DNAH7: variants seen among roughly 807,000 people sequenced by gnomAD.
DNAH7 encodes the protein dynein axonemal heavy chain 7.
DNAH7 carries 397 observed loss-of-function variants against 444.6 expected under a neutral mutation model. The observed-to-expected ratio is 0.89, with a 90% CI of 0.82 to 0.97. The LOEUF (loss-of-function observed/expected upper bound fraction) is 0.97, where lower values mean the gene tolerates loss of function less well. Among genes scored for constraint, DNAH7 ranks in the 50% least tolerant of loss-of-function variants. The pLI is 0.00. For synonymous variants in DNAH7, 1,636 were observed against 1,624.4 expected, an observed-to-expected ratio of 1.01 and a Z score of -0.17; for missense variants, 4,902 against 4,800.8, an observed-to-expected ratio of 1.02 and a Z score of -0.62.
chr2:195,765,403 C>T (rs751974408), intron 61 of DNAH7, among the ~76,000 whole-genome samples: 9 of 151,878 alleles, frequency 5.9e-5, no homozygotes, highest in African/African-American at 2.2e-4. Context: ...AAAAGCTTGT[C>T]CATAGCAAAA....
At position 196,047,343 on chromosome 2, in the gene DNAH7, A is replaced by G. The variant is rs4850381; in HGVS notation, c.398+9T>C. ...GGGTAACACGTAATGGTTAGCCTAT[A>G]CAACTTACATAATGACATTAACAAG... On this transcript the variant is annotated intron_variant, in intron 5 of 64. Transcript: ENST00000312428. 0.72 allele frequency: 1,130,627 copies of G among 1,559,550 alleles called. 411,974 individuals carry two copies. The highest frequency in any genetic ancestry group is 0.92 in the East Asian group (39,771 of 43,344).
At chr2:195,834,669 A>T (rs1698245237) in intron 47 of DNAH7, among the ~76,000 whole-genome samples, 1 of 152,198 alleles carries the variant, frequency 6.6e-6, no homozygotes, top group East Asian at 1.9e-4. Context: ...TGTCACAGTG[A>T]CAACCATCAA....
At chr2:195,981,005 G>A (rs1692536190) in intron 15 of DNAH7, among the ~76,000 whole-genome samples, 1 of 152,046 alleles carries the variant, frequency 6.6e-6, no homozygotes, top group Admixed American at 6.6e-5. Context: ...AGAGCAATCA[G>A]ATAAGACAAA....
At chr2:195,957,105 T>G (rs1690719612) in intron 19 of DNAH7, among the ~76,000 whole-genome samples, 156 bp downstream of exon 19, 1 of 152,228 alleles carries the variant, frequency 6.6e-6, no homozygotes, top group Non-Finnish European at 1.5e-5. Flanking sequence ...CGACATTTTC[T>G]GCTCCTGGCA....
intron 10 of DNAH7, among the ~76,000 whole-genome samples, chr2:196,008,085 A>T (rs1408539382): frequency 2.0e-5 from 3 of 152,142 alleles, no homozygotes; most frequent in Non-Finnish European, 2.9e-5. Flanking sequence ...TTACATGTCA[A>T]AAATAAAAAT....
intron 25 of DNAH7, among the ~76,000 whole-genome samples, chr2:195,907,646 G>A (rs1028028925): frequency 6.6e-6 from 1 of 151,938 alleles, no homozygotes; most frequent in Non-Finnish European, 1.5e-5. Flanking sequence ...ATGTTATATC[G>A]AGTACACTGT....
chr2:195,741,008 A>C, intron 63 of DNAH7, 139 bp from the exon 64 acceptor site: 1 of 364,542 alleles, frequency 2.7e-6, no homozygotes, highest in Non-Finnish European at 5.0e-6. Flanking sequence ...AATGAAAGCA[A>C]TCTCCTGAGT....
In DNAH7 at chr2:195,816,966, G is replaced by A; in HGVS notation, c.9426-3C>T. 2 of 1,554,224 alleles carry A rather than the reference G, an allele frequency of 1.3e-6. No individual in the cohort carries two copies. Among genetic ancestry groups the A allele is most frequent in the East Asian group, 2.3e-5 (1 of 44,166 alleles). ...TGTCTTCTATTTCTTTTAACTGCCT[G>A]GAATAAAACAAAATTTTCTTAGAAG... is the stretch of plus-strand genomic sequence containing the variant. On this transcript the variant is annotated splice_region_variant and splice_polypyrimidine_tract_variant and intron_variant, in intron 50 of 64. Coordinates refer to ENST00000312428, the MANE Select transcript of DNAH7 (RefSeq NM_018897.3).
intron 24 of DNAH7, among the ~76,000 whole-genome samples, chr2:195,915,040 A>C (rs1365283082): frequency 1.3e-5 from 2 of 152,206 alleles, no homozygotes; most frequent in East Asian, 3.8e-4. Context: ...TATTCAATAC[A>C]TTTTATTAAA....
rs536373128 is a variant in DNAH7 at position 195,923,693 on chromosome 2, C to T, written c.3727G>A (p.Asp1243Asn). Residue 1243 changes from aspartate to asparagine, a missense_variant, in exon 23 of 65, where the codon GAT (aspartate) becomes AAT (asparagine). By Grantham distance (23) the Asp-to-Asn change is conservative (BLOSUM62 1). Transcript: ENST00000312428. ...GAGAGGACATCTCTAGCATGGACAT[C>T]CAGTACCACAAGTGCTCCCAGAGTT... is the stretch of plus-strand genomic sequence containing the variant. ...RVTLGALVVLDVHARDVLSSL... is the reference protein window; with the variant it reads ...RVTLGALVVLNVHARDVLSSL... 4.3e-6 allele frequency: 7 copies of T among 1,614,092 alleles called. No individual in the cohort carries two copies. Among genetic ancestry groups the T allele is most frequent in the Non-Finnish European group, 5.9e-6 (7 of 1,180,010 alleles).
chr2:195,911,917 A>G (rs1687382040), intron 24 of DNAH7, among the ~76,000 whole-genome samples: 1 of 152,236 alleles, frequency 6.6e-6, no homozygotes, highest in East Asian at 1.9e-4. Context: ...AGTAAAGAAA[A>G]TGATAAAAAT....
intron 12 of DNAH7, chr2:195,995,721 C>T: frequency 5.9e-6 from 1 of 169,224 alleles, no homozygotes. Flanking sequence ...GGCGCTGGGA[C>T]TGTCCCAGGC....
In DNAH7 at chr2:196,026,845, T is replaced by C. The variant is rs766257894; in HGVS notation, c.582A>G (p.Gln194=). Residue 194 remains glutamine, a synonymous_variant, in exon 7 of 65, where the codon CAA becomes CAG. Transcript: ENST00000312428. The stretch of plus-strand genomic sequence containing the variant: ...TGCTGTCAGTGAAGACTTTCAGATG[T>C]TGTGGAACTAAATCCAGTACGTGTT... ...WLEHVLDLVP[Q]HLKVFTDSIV... The C allele has an allele frequency of 1.2e-5, 20 of 1,612,470 alleles. No individual in the cohort carries two copies. Among genetic ancestry groups the C allele is most frequent in the African/African-American group, 4.0e-5 (3 of 74,902 alleles).
intron 36 of DNAH7, 22 bp downstream of exon 36, chr2:195,881,773 C>CT (rs1559179409): frequency 6.2e-7 from 1 of 1,601,928 alleles, no homozygotes; most frequent in South Asian, 1.1e-5. Context: ...CAGTTTAATA[C>CT]GCAGATTTCT....
At chr2:195,968,014 T>C (rs1022521347) in intron 17 of DNAH7, among the ~76,000 whole-genome samples, 2 of 152,242 alleles carry the variant, frequency 1.3e-5, no homozygotes, top group Admixed American at 1.3e-4. Flanking sequence ...TGGGCAGTTC[T>C]GCCAGGCCAC....
chr2:195,771,575 G>A lies in DNAH7; in HGVS notation c.11433+85C>T, dbSNP rs1351048240. ...CAGAACCCAAAACAGTGCTTATACA[G>A]TATTTGTGCTAAACAAGTATTTGCT... On this transcript the variant is annotated intron_variant, in intron 61 of 64. Transcript: ENST00000312428. 21 of 1,010,630 alleles carry A rather than the reference G, an allele frequency of 2.1e-5. No homozygotes were observed. In the Admixed American group the frequency reaches 3.0e-4, roughly 15 times the overall value. 62.6% of individuals were successfully genotyped at this position (1,010,630 alleles called of 1,614,324 possible).
intron 5 of DNAH7, among the ~76,000 whole-genome samples, chr2:196,043,431 C>G (rs1696900127): frequency 6.6e-6 from 1 of 152,038 alleles, no homozygotes; most frequent in African/African-American, 2.4e-5. Flanking sequence ...GGATCAAAGA[C>G]TTAAATCTAA....
In DNAH7 at chr2:195,776,000, C is replaced by A; in HGVS notation, c.11065-17G>T. The A allele has an allele frequency of 6.2e-7, 1 of 1,611,482 alleles. No homozygotes were observed. Among genetic ancestry groups the A allele is most frequent in the East Asian group, 2.2e-5 (1 of 44,800 alleles). ...GCTTTTGTGCTGCAGAGATGAATAA[C>A]AAGAAGTCAGGAGGTTAGAAATCAA... On this transcript the variant is annotated splice_polypyrimidine_tract_variant and intron_variant, in intron 59 of 64. Transcript: ENST00000312428.
chr2:195,852,175 G>A (rs576465037), intron 46 of DNAH7, among the ~76,000 whole-genome samples: 1 of 152,074 alleles, frequency 6.6e-6, no homozygotes, highest in South Asian at 2.1e-4. Flanking sequence ...GGAGAATCGC[G>A]TGAACCCAGG....
Sources: gnomAD v4.1 joint callset for allele counts (sites outside exome capture counted in the v4.1 genomes callset) on GRCh38, gnomAD v4.1.1 for gene constraint, MANE v1.5 for transcripts, NCBI Gene and HGNC (gene_info 2026-07-23, HGNC 2026-07-21) for gene names.